Variants in DTNB observed in about 807,000 individuals in gnomAD.
The protein encoded by DTNB is DTN-B.
A neutral mutation model predicts 90.7 loss-of-function variants in DTNB; 63 were observed. The ratio of observed to expected loss-of-function variants is 0.69; its 90% CI spans 0.57 to 0.86. The LOEUF (loss-of-function observed/expected upper bound fraction) is 0.86. Ranked by LOEUF, DTNB falls within the 40% of genes least tolerant of loss-of-function variation. The pLI, the probability that DTNB is intolerant of heterozygous loss-of-function variation, is 0.00. For missense variants in DTNB, 744 were observed against 807.1 expected (o/e 0.92, Z 0.95); for synonymous variants, 277 against 286.7 (o/e 0.97, Z 0.34).
chr2:25,415,010 G>A (rs753907945), intron 16 of DTNB, among the ~76,000 whole-genome samples: 49 of 152,118 alleles, frequency 3.2e-4, no homozygotes, highest in Admixed American at 5.2e-4. Flanking sequence ...AAACAGAAGG[G>A]AAAGAGGGGG....
At chr2:25,604,302 G>C (rs2066581143) in intron 5 of DTNB, among the ~76,000 whole-genome samples, 1 of 152,098 alleles carries the variant, frequency 6.6e-6, no homozygotes, top group Admixed American at 6.6e-5. Flanking sequence ...AATCCTAAAT[G>C]CATCAGAAAA....
chr2:25,593,299 A>G (rs891241180), intron 6 of DTNB, among the ~76,000 whole-genome samples: 1 of 152,204 alleles, frequency 6.6e-6, no homozygotes, highest in African/African-American at 2.4e-5. Flanking sequence ...TTGCATCAAC[A>G]TTGTTTTCTA....
At chr2:25,535,070 C>T (rs550583823) in intron 8 of DTNB, among the ~76,000 whole-genome samples, 112 of 144,826 alleles carry the variant, frequency 7.7e-4, no homozygotes, top group East Asian at 4.8e-3. Flanking sequence ...ACCTCCCAGA[C>T]GGGGTGGCCG....
At chr2:25,579,175 G>C (rs1265413676) in intron 7 of DTNB, among the ~76,000 whole-genome samples, 1 of 152,086 alleles carries the variant, frequency 6.6e-6, no homozygotes, top group Non-Finnish European at 1.5e-5. Context: ...AAAATCAATT[G>C]GACATAAAAC....
chr2:25,432,513 T>C (rs940112055), intron 14 of DTNB, among the ~76,000 whole-genome samples: 4 of 152,218 alleles, frequency 2.6e-5, no homozygotes, highest in African/African-American at 9.6e-5. Flanking sequence ...CAGGAGAATA[T>C]ACTCACAGCA....
intron 16 of DTNB, among the ~76,000 whole-genome samples, chr2:25,390,196 G>T (rs2040708408): frequency 6.6e-6 from 1 of 152,060 alleles, no homozygotes; most frequent in South Asian, 2.1e-4. Flanking sequence ...ATATCACTTT[G>T]CAATTTGCTT....
chr2:25,612,285 T>TATC (rs1312562466), intron 4 of DTNB, among the ~76,000 whole-genome samples: 1 of 152,154 alleles, frequency 6.6e-6, no homozygotes. Flanking sequence ...GTTAGAAGGT[T>TATC]ATCTAACAAC....
intron 10 of DTNB, among the ~76,000 whole-genome samples, chr2:25,457,736 A>G (rs1436053445): frequency 6.6e-6 from 1 of 152,162 alleles, no homozygotes; most frequent in African/African-American, 2.4e-5. Flanking sequence ...ATAGCATTCT[A>G]TTCTTAGTAG....
chr2:25,391,063 A>AT (rs1264234816), intron 16 of DTNB, among the ~76,000 whole-genome samples: 1 of 151,614 alleles, frequency 6.6e-6, no homozygotes, highest in African/African-American at 2.4e-5. Flanking sequence ...CTCCCGGCTA[A>AT]TTTTTTGTAT....
At chr2:25,535,741 G>A (rs2079502248) in intron 8 of DTNB, among the ~76,000 whole-genome samples, 1 of 146,032 alleles carries the variant, frequency 6.8e-6, no homozygotes, top group Non-Finnish European at 1.5e-5. Flanking sequence ...GCCGGGCAGA[G>A]GCGCTCCTCA....
intron 1 of DTNB, among the ~76,000 whole-genome samples, chr2:25,660,787 G>C (rs1182174476): frequency 1.3e-5 from 2 of 151,908 alleles, no homozygotes; most frequent in Admixed American, 1.3e-4. Context: ...TTCTATCGTG[G>C]ACAGTGTTGC....
At chr2:25,557,292 G>A (rs2057525491) in intron 8 of DTNB, among the ~76,000 whole-genome samples, 1 of 152,144 alleles carries the variant, frequency 6.6e-6, no homozygotes, top group African/African-American at 2.4e-5. Context: ...TGTGTATGGT[G>A]GCACTCTCCA....
chr2:25,517,856 T>A (rs2075384715), intron 9 of DTNB, among the ~76,000 whole-genome samples: 1 of 152,172 alleles, frequency 6.6e-6, no homozygotes, highest in African/African-American at 2.4e-5. Context: ...CTACATACAA[T>A]GAATATCATT....
At chr2:25,480,995 A>G (rs1268558064) in intron 10 of DTNB, among the ~76,000 whole-genome samples, 1 of 152,192 alleles carries the variant, frequency 6.6e-6, no homozygotes, top group Non-Finnish European at 1.5e-5. Context: ...TCTCTTCCTC[A>G]CTTATTCTCA....
intron 2 of DTNB, chr2:25,650,003 C>T (rs1256216061): frequency 1.0e-6 from 1 of 984,846 alleles, no homozygotes; most frequent in Non-Finnish European, 1.2e-6. Flanking sequence ...ATATAGGAGA[C>T]TCAAGAAGTC....
intron 4 of DTNB, among the ~76,000 whole-genome samples, chr2:25,613,834 A>C (rs1436027822): frequency 6.6e-6 from 1 of 151,982 alleles, no homozygotes; most frequent in Non-Finnish European, 1.5e-5. Context: ...GGCGCTCACC[A>C]GTAATCCCGG....
intron 3 of DTNB, among the ~76,000 whole-genome samples, chr2:25,633,771 G>A (rs1456778276): frequency 6.6e-6 from 1 of 151,392 alleles, no homozygotes; most frequent in Admixed American, 6.6e-5. Context: ...AGTGAGGAGC[G>A]TCTCTGCCCG....
chr2:25,624,279 A>T (rs940736041), intron 4 of DTNB, among the ~76,000 whole-genome samples: 3 of 152,234 alleles, frequency 2.0e-5, no homozygotes, highest in African/African-American at 7.2e-5. Context: ...AATGTATAAA[A>T]GCAAGCTGTG....
chr2:25,409,514 A>G (rs1187154995), intron 16 of DTNB, among the ~76,000 whole-genome samples: 3 of 152,336 alleles, frequency 2.0e-5, no homozygotes, highest in South Asian at 4.1e-4. Flanking sequence ...TTTAAGATTT[A>G]CATCTTTGTT....
Sources: gnomAD v4.1 joint callset for allele counts (sites outside exome capture counted in the v4.1 genomes callset) on GRCh38, gnomAD v4.1.1 for gene constraint, MANE v1.5 for transcripts, NCBI Gene and HGNC (gene_info 2026-07-23, HGNC 2026-07-21) for gene names.